Variants in CDKAL1 observed in about 807,000 individuals in gnomAD.
CDKAL1 encodes threonylcarbamoyladenosine tRNA methylthiotransferase.
Under a neutral mutation model 68.2 loss-of-function variants are expected in CDKAL1, and 32 were observed. The ratio of observed to expected loss-of-function variants is 0.47; its 90% CI spans 0.35 to 0.63. CDKAL1 has a LOEUF of 0.63. Ranked by LOEUF, CDKAL1 falls within the 30% of genes least tolerant of loss-of-function variation. The probability of loss-of-function intolerance (pLI) is 0.00; values close to 1 mark genes in which losing one functional copy is unlikely to be tolerated. For missense variants in CDKAL1, 606 were observed against 696.7 expected (o/e 0.87, Z 1.47); for synonymous variants, 234 against 244.3 (o/e 0.96, Z 0.39).
intron 13 of CDKAL1, among the ~76,000 whole-genome samples, chr6:21,164,924 A>C (rs906629712): frequency 1.3e-5 from 2 of 152,230 alleles, no homozygotes; most frequent in Non-Finnish European, 2.9e-5. Context: ...AGAGGAATCT[A>C]ATTCATCTTC....
At chr6:20,869,247 C>T (rs188499224) in intron 9 of CDKAL1, among the ~76,000 whole-genome samples, 2 of 152,298 alleles carry the variant, frequency 1.3e-5, no homozygotes, top group Admixed American at 1.3e-4. Flanking sequence ...GTAAAGCTAA[C>T]TGTCCCTAGT....
Position 21,132,479 on chromosome 6 carries a change from C to A in CDKAL1, c.1299+24016C>A, listed in dbSNP as rs1176177387. Among the ~76,000 whole-genome samples the A allele has an allele frequency of 4.0e-3, 611 of 152,158 alleles. 5 individuals are homozygous for A. Among genetic ancestry groups the A allele is most frequent in the African/African-American group, 0.014 (582 of 41,516 alleles). ...ATTTTAAAAATCTCTTAAGCTCAGCCATTATACATAAGGTCTTATTTATGT... is the reference window on the plus strand; with the variant it reads ...ATTTTAAAAATCTCTTAAGCTCAGCAATTATACATAAGGTCTTATTTATGT... On this transcript the variant is annotated intron_variant, in intron 13 of 15. Coordinates refer to ENST00000274695, the MANE Select transcript of CDKAL1 (RefSeq NM_017774.3).
intron 11 of CDKAL1, among the ~76,000 whole-genome samples, chr6:21,058,647 G>A (rs912380175): frequency 6.6e-6 from 1 of 152,240 alleles, no homozygotes; most frequent in Admixed American, 6.5e-5. Context: ...CTAGGGGCTG[G>A]TAGTGGTTTT....
chr6:20,981,545 G>T (rs1766146624), intron 10 of CDKAL1, among the ~76,000 whole-genome samples: 1 of 152,068 alleles, frequency 6.6e-6, no homozygotes, highest in Non-Finnish European at 1.5e-5. Context: ...ACATTATATA[G>T]AAAATTTTTG....
rs945711525 is a variant in CDKAL1, at chr6:20,716,020, G to A, written c.372-23499G>A. ...TGAGAAGGTGAGAGACAGCTAGTGCGTGCTCATGGGATATGACATTTGAAG... is the reference window on the plus strand; with the variant it reads ...TGAGAAGGTGAGAGACAGCTAGTGCATGCTCATGGGATATGACATTTGAAG... On this transcript the variant is annotated intron_variant, in intron 5 of 15. Transcript: ENST00000274695. 3.3e-5 allele frequency among the ~76,000 whole-genome samples: 5 copies of A among 152,100 alleles called. 1 individual carries two copies. In the South Asian group the frequency reaches 6.2e-4, roughly 19 times the overall value.
intron 5 of CDKAL1, among the ~76,000 whole-genome samples, chr6:20,693,236 G>A (rs543313714): frequency 2.0e-5 from 3 of 151,446 alleles, no homozygotes; most frequent in Non-Finnish European, 4.4e-5. Flanking sequence ...AGTCTAAGAA[G>A]GCCTCTCACT....
intron 5 of CDKAL1, among the ~76,000 whole-genome samples, chr6:20,738,417 CTT>C (rs1201663708): frequency 6.6e-6 from 1 of 150,892 alleles, no homozygotes; most frequent in Non-Finnish European, 1.5e-5. Flanking sequence ...CTAGCACCCT[CTT>C]GAGTAAAGAA....
intron 12 of CDKAL1, among the ~76,000 whole-genome samples, chr6:21,099,673 G>C (rs973149225): frequency 6.6e-6 from 1 of 152,208 alleles, no homozygotes; most frequent in African/African-American, 2.4e-5. Flanking sequence ...ATAGCAACTC[G>C]TGTTCTTATG....
intron 2 of CDKAL1, among the ~76,000 whole-genome samples, chr6:20,536,227 C>T (rs924492109): frequency 6.6e-6 from 1 of 152,024 alleles, no homozygotes; most frequent in African/African-American, 2.4e-5. Flanking sequence ...AGCCTCTGCA[C>T]CTGGCCCATT....
intron 13 of CDKAL1, among the ~76,000 whole-genome samples, chr6:21,197,000 A>G (rs1778496980): frequency 6.6e-6 from 1 of 152,134 alleles, no homozygotes; most frequent in African/African-American, 2.4e-5. Flanking sequence ...TCTACTAAAA[A>G]TATAAAAATT....
chr6:20,860,376 G>C (rs991448200), intron 9 of CDKAL1, among the ~76,000 whole-genome samples: 3 of 152,216 alleles, frequency 2.0e-5, no homozygotes, highest in Non-Finnish European at 2.9e-5. Flanking sequence ...ACTTGGCTCA[G>C]CCAAAGCATT....
At chr6:20,745,376 G>A (rs1049417693) in intron 6 of CDKAL1, among the ~76,000 whole-genome samples, 1 of 152,152 alleles carries the variant, frequency 6.6e-6, no homozygotes, top group African/African-American at 2.4e-5. Context: ...GATCAGTATT[G>A]AGGGCAAGGC....
chr6:21,160,429 C>T (rs2151062338), intron 13 of CDKAL1, among the ~76,000 whole-genome samples: 1 of 151,554 alleles, frequency 6.6e-6, no homozygotes. Flanking sequence ...TCCTGAGTAG[C>T]TGGGATTACA....
chr6:20,980,214 GATA>G (rs1354312322), intron 10 of CDKAL1, among the ~76,000 whole-genome samples: 21 of 151,880 alleles, frequency 1.4e-4, no homozygotes, highest in Admixed American at 2.6e-4. Flanking sequence ...TATAGATATA[GATA>G]TAGATATAGA....
chr6:20,754,381 A>T (rs1774076916), intron 6 of CDKAL1, among the ~76,000 whole-genome samples: 2 of 152,140 alleles, frequency 1.3e-5, no homozygotes, highest in African/African-American at 4.8e-5. Flanking sequence ...ACAATTGACC[A>T]CTGTAACCAT....
intron 9 of CDKAL1, among the ~76,000 whole-genome samples, chr6:20,885,534 G>T (rs933745792): frequency 6.6e-6 from 1 of 152,090 alleles, no homozygotes; most frequent in Non-Finnish European, 1.5e-5. Context: ...AAATATAAGA[G>T]TTAAAATACC....
In CDKAL1 at chr6:20,798,742, A is replaced by G. The variant is rs151338076; in HGVS notation, c.638+17477A>G. The stretch of plus-strand genomic sequence containing the variant: ...AAGACTTGGACACAGGATGGGGAAC[A>G]TCACACAACGGGGCCTGTAATGGGA... On this transcript the variant is annotated intron_variant, in intron 8 of 15. Coordinates refer to ENST00000274695, the MANE Select transcript of CDKAL1 (RefSeq NM_017774.3). Among the ~76,000 whole-genome samples, 36 of 129,426 alleles carry G rather than the reference A, an allele frequency of 2.8e-4. No individual in the cohort carries two copies. In the East Asian group the frequency reaches 9.4e-3, roughly 34 times the overall value. The allele number at this position is 129,426 out of a possible 152,430, so 84.9% of individuals were successfully genotyped here.
At position 20,845,211 on chromosome 6, in the gene CDKAL1, C is replaced by G. The variant is rs548303331; in HGVS notation, c.639-864C>G. On this transcript the variant is annotated intron_variant, in intron 8 of 15. Coordinates refer to ENST00000274695, the MANE Select transcript of CDKAL1 (RefSeq NM_017774.3). ...GTACTATGGTCTTTTTAAAGCCTTGCTACTCATTATAGCAATCGAATCACT... is the reference window on the plus strand; with the variant it reads ...GTACTATGGTCTTTTTAAAGCCTTGGTACTCATTATAGCAATCGAATCACT... Among the ~76,000 whole-genome samples the G allele has an allele frequency of 1.4e-4, 22 of 152,188 alleles. No individual in the cohort carries two copies. In the South Asian group the frequency reaches 3.1e-3, roughly 22 times the overall value.
chr6:20,909,557 C>T (rs1034420997), intron 9 of CDKAL1, among the ~76,000 whole-genome samples: 10 of 152,114 alleles, frequency 6.6e-5, no homozygotes, highest in African/African-American at 2.4e-4. Flanking sequence ...CAGCATAAAA[C>T]ACAGATTTTA....
Sources: gnomAD v4.1 joint callset for allele counts (sites outside exome capture counted in the v4.1 genomes callset) on GRCh38, gnomAD v4.1.1 for gene constraint, MANE v1.5 for transcripts, NCBI Gene and HGNC (gene_info 2026-07-23, HGNC 2026-07-21) for gene names.